The following RGS3 variants were observed in gnomAD, a reference collection of about 807,000 sequenced individuals.
RGS3 encodes regulator of G-protein signalling 3.
A neutral mutation model predicts 132.6 loss-of-function variants in RGS3; 80 were observed. That is an observed-to-expected ratio of 0.60 (90% CI 0.50 to 0.73). The LOEUF is 0.73. Among genes scored for constraint, RGS3 ranks in the 30% least tolerant of loss-of-function variants. The probability of loss-of-function intolerance (pLI) is 0.00; values close to 1 mark genes in which losing one functional copy is unlikely to be tolerated. For synonymous variants in RGS3, 598 were observed against 620.6 expected, an observed-to-expected ratio of 0.96 and a Z score of 0.54; for missense variants, 1,382 against 1,530.8, an observed-to-expected ratio of 0.90 and a Z score of 1.62.
At chr9:113,576,157 G>A (rs372439842) in intron 19 of RGS3, among the ~76,000 whole-genome samples, 58 of 151,644 alleles carry the variant, frequency 3.8e-4, no homozygotes, top group African/African-American at 1.4e-3. Context: ...CTGAGATCAC[G>A]CCACTGCACT....
intron 9 of RGS3, among the ~76,000 whole-genome samples, 180 bp downstream of exon 7, chr9:113,497,584 C>T (rs960382008): frequency 6.6e-6 from 1 of 152,168 alleles, no homozygotes; most frequent in Admixed American, 6.5e-5. Context: ...GCCTCTTGCC[C>T]ATGCCTCCAC....
chr9:113,492,672 G>A (rs1236248557), intron 7 of RGS3, among the ~76,000 whole-genome samples: 1 of 152,168 alleles, frequency 6.6e-6, no homozygotes, highest in Non-Finnish European at 1.5e-5. Context: ...CCGAGGGTGA[G>A]CGCTAGTTCC....
upstream of RGS3, among the ~76,000 whole-genome samples, chr9:113,456,688 C>T (rs1392028497): frequency 6.6e-6 from 1 of 150,970 alleles, no homozygotes; most frequent in East Asian, 1.9e-4. Flanking sequence ...AGCAATCTTT[C>T]TAAAATGTGA....
At chr9:113,572,581 G>A (rs1365313148) in intron 19 of RGS3, among the ~76,000 whole-genome samples, 1 of 152,158 alleles carries the variant, frequency 6.6e-6, no homozygotes, top group Non-Finnish European at 1.5e-5. Flanking sequence ...AAGGAGGAGG[G>A]CAGTGGGGCA....
intron 17 of RGS3, among the ~76,000 whole-genome samples, chr9:113,528,553 G>A (rs79104283): frequency 0.025 from 3,873 of 152,272 alleles, 68 homozygotes; most frequent in Admixed American, 0.038. Context: ...TTCCCTCGGC[G>A]TTGACATTGG....
intron 17 of RGS3, among the ~76,000 whole-genome samples, chr9:113,526,083 C>A (rs1188918997): frequency 6.6e-6 from 1 of 152,228 alleles, no homozygotes; most frequent in African/African-American, 2.4e-5. Flanking sequence ...GCCTCTGCTG[C>A]CCGCTAGCTT....
At chr9:113,511,685 G>A (rs1206730863) in intron 14 of RGS3, among the ~76,000 whole-genome samples, 2 of 152,114 alleles carry the variant, frequency 1.3e-5, no homozygotes, top group Admixed American at 6.5e-5. Flanking sequence ...CTGGGCCCCT[G>A]GGCTAGAGAA....
chr9:113,597,044 C>A, exon 25 of RGS3: 1 of 1,170,212 alleles, frequency 8.5e-7, no homozygotes, highest in Non-Finnish European at 1.2e-6. Context: ...AGGGGGCAAG[C>A]AAGCCCCCAG....
intron 4 of RGS3, among the ~76,000 whole-genome samples, chr9:113,481,358 AGGAG>A (rs1830153592): frequency 6.6e-6 from 1 of 152,334 alleles, no homozygotes; most frequent in Non-Finnish European, 1.5e-5. Context: ...AGAGAGACCC[AGGAG>A]GTCACCAGAC....
At position 113,507,330 on chromosome 9, in the gene RGS3, C is replaced by T. The variant is rs1192526293; in HGVS notation, c.1129C>T (p.Pro377Ser). 3.1e-6 allele frequency: 5 copies of T among 1,613,770 alleles called. No individual in the cohort carries two copies. The highest frequency in any genetic ancestry group is 3.4e-6 in the Non-Finnish European group (4 of 1,180,010). ...CATCCTACTCGTGTGGCGCATGGTC[C>T]CCCAGGTCAAGCCAGGACCAGATGG... The change falls in exon 13 of 25, where the codon CCC becomes TCC. Residue 377 changes from proline (P) to serine (S), a missense_variant. Coordinates refer to ENST00000350696, the Ensembl canonical transcript of RGS3. This position sits in a 1 kb window ranked among gnomAD's most constrained non-coding sequence, Gnocchi z 5.0.
chr9:113,574,500 G>A (rs1834424444), intron 19 of RGS3, among the ~76,000 whole-genome samples: 1 of 152,228 alleles, frequency 6.6e-6, no homozygotes, highest in Admixed American at 6.5e-5. Flanking sequence ...ACAGGCCCTG[G>A]CGCATGGCTG....
chr9:113,493,504 A>G (rs1311052200), intron 7 of RGS3, among the ~76,000 whole-genome samples: 4 of 152,146 alleles, frequency 2.6e-5, no homozygotes, highest in Non-Finnish European at 4.4e-5. Context: ...CAGGTGGACC[A>G]GTTTTGAGGA....
Position 113,541,255 on chromosome 9 carries a change from C to A in RGS3, c.2037+4337C>A. The A allele has an allele frequency of 2.6e-6, 4 of 1,551,554 alleles. No homozygotes were observed. In the South Asian group the frequency reaches 4.9e-5, roughly 19 times the overall value. ...GCCTTAGAAAGGAACAGAGGCAGGT[C>A]CTGCAGTCAGGCAGCCCGGCCTGAG... On this transcript the variant is annotated intron_variant, in intron 19 of 24. Coordinates refer to ENST00000350696, the Ensembl canonical transcript of RGS3.
intron 20 of RGS3, chr9:113,589,936 C>T (rs1835332653): frequency 6.6e-6 from 1 of 152,216 alleles, no homozygotes; most frequent in Non-Finnish European, 1.5e-5. Context: ...AGGTCTGGTT[C>T]CAAACACTTG....
exon 3 of RGS3, chr9:113,462,078 T>G: frequency 1.2e-6 from 2 of 1,614,150 alleles, no homozygotes; most frequent in Non-Finnish European, 1.7e-6. Flanking sequence ...GAGCCTGAGC[T>G]TGCCCATATT....
At chr9:113,586,106 A>T (rs1318896963) in intron 20 of RGS3, among the ~76,000 whole-genome samples, 1 of 152,180 alleles carries the variant, frequency 6.6e-6, no homozygotes, top group African/African-American at 2.4e-5. Flanking sequence ...AGGGATCATG[A>T]TCTTGCCAAA....
intron 3 of RGS3, among the ~76,000 whole-genome samples, chr9:113,467,965 G>A (rs912239464): frequency 2.0e-5 from 3 of 152,152 alleles, no homozygotes; most frequent in African/African-American, 7.2e-5. Context: ...GGACTCAAGC[G>A]ATCTCCTGCC....
intron 17 of RGS3, among the ~76,000 whole-genome samples, chr9:113,529,014 G>A (rs1410852253): frequency 6.6e-6 from 1 of 152,174 alleles, no homozygotes; most frequent in African/African-American, 2.4e-5. Context: ...TGACCCGCAG[G>A]CAAATGCCTT....
intron 1 of RGS3, among the ~76,000 whole-genome samples, chr9:113,447,361 A>ATATATATATATATATATATC (rs1554751008): frequency 1.7e-5 from 2 of 118,406 alleles, no homozygotes; most frequent in African/African-American, 6.2e-5. Context: ...ATATATATAT[A>ATATATATATATATATATATC]GGCAAGGGTT....
Sources: gnomAD v4.1 joint callset for allele counts (sites outside exome capture counted in the v4.1 genomes callset) on GRCh38, gnomAD v4.1.1 for gene constraint, Gnocchi (gnomAD v3.1) non-coding constraint, MANE v1.5 for transcripts, NCBI Gene and HGNC (gene_info 2026-07-23, HGNC 2026-07-21) for gene names.